PIK3R5: variants seen among roughly 807,000 people sequenced by gnomAD.
The protein encoded by PIK3R5 is phosphoinositide 3-kinase regulatory subunit 5.
PIK3R5 carries 32 observed loss-of-function variants against 94.9 expected under a neutral mutation model. The ratio of observed to expected loss-of-function variants is 0.34; its 90% CI spans 0.25 to 0.45. PIK3R5 has a LOEUF of 0.45. Ranked by LOEUF, PIK3R5 falls within the 20% of genes least tolerant of loss-of-function variation. The pLI is 1.00. For missense variants in PIK3R5, 853 were observed against 1,144.6 expected (o/e 0.75, Z 3.68); for synonymous variants, 443 against 479.4 (o/e 0.92, Z 0.99).
chr17:8,904,945 G>T lies in PIK3R5; in HGVS notation c.274-30C>A. The T allele has an allele frequency of 6.2e-7, 1 of 1,607,226 alleles. No individual in the cohort carries two copies. Among genetic ancestry groups the T allele is most frequent in the Non-Finnish European group, 8.5e-7 (1 of 1,179,246 alleles). On this transcript the variant is annotated intron_variant, in intron 4 of 18. Transcript: ENST00000447110. This position sits in a 1 kb window ranked among gnomAD's most constrained non-coding sequence, Gnocchi z 5.1. ...GATGGAGGCAGGCAACAAGCAAAGAGATCTAGGTGAGAAAAGGCTCAGATA... is the reference window on the plus strand; with the variant it reads ...GATGGAGGCAGGCAACAAGCAAAGATATCTAGGTGAGAAAAGGCTCAGATA...
At chr17:8,961,678 C>T (rs762701592) in intron 1 of PIK3R5, among the ~76,000 whole-genome samples, 4 of 152,110 alleles carry the variant, frequency 2.6e-5, no homozygotes, top group Non-Finnish European at 5.9e-5. Flanking sequence ...AAGTGACTCA[C>T]GCAGATGTGT....
At chr17:8,949,568 T>C (rs1185589186) in intron 1 of PIK3R5, among the ~76,000 whole-genome samples, 1 of 152,074 alleles carries the variant, frequency 6.6e-6, no homozygotes, top group Non-Finnish European at 1.5e-5. Context: ...GTCGTCATCG[T>C]GAGGAACAGA....
chr17:8,914,719 T>C (rs964151793), intron 1 of PIK3R5, among the ~76,000 whole-genome samples: 1 of 152,196 alleles, frequency 6.6e-6, no homozygotes, highest in African/African-American at 2.4e-5. Flanking sequence ...CTGTGAGCCA[T>C]GGCAGGGCTG....
chr17:8,954,076 G>GA (rs1362114081), intron 1 of PIK3R5, among the ~76,000 whole-genome samples: 1 of 151,356 alleles, frequency 6.6e-6, no homozygotes, highest in South Asian at 2.1e-4. Context: ...AAGAAAAAAA[G>GA]AAAAAAAGAA....
At chr17:8,932,460 C>T (rs1408605212) in intron 1 of PIK3R5, among the ~76,000 whole-genome samples, 1 of 152,150 alleles carries the variant, frequency 6.6e-6, no homozygotes, top group East Asian at 1.9e-4. Context: ...GTCTCGAACT[C>T]CTGACCTCCG....
rs545376939 is a variant in PIK3R5, at chr17:8,908,730, G to C, written c.204+344C>G. Among the ~76,000 whole-genome samples the C allele has an allele frequency of 6.5e-4, 99 of 152,150 alleles. 1 individual carries two copies. The highest frequency in any genetic ancestry group is 2.2e-3 in the African/African-American group (92 of 41,524). Reference sequence around the variant, plus strand: ...AGAGGAGGCCTCAGTTTACCTTTCCGATCAGTTTTCTCTTTCCTGTCTTTG... The same window carrying C: ...AGAGGAGGCCTCAGTTTACCTTTCCCATCAGTTTTCTCTTTCCTGTCTTTG... On this transcript the variant is annotated intron_variant, in intron 3 of 18. Coordinates refer to ENST00000447110, the MANE Select transcript of PIK3R5 (RefSeq NM_001142633.3).
intron 1 of PIK3R5, among the ~76,000 whole-genome samples, chr17:8,948,062 A>AAAAG (rs1555553591): frequency 2.7e-5 from 4 of 146,160 alleles, no homozygotes; most frequent in Admixed American, 6.7e-5. Flanking sequence ...AAAAAAAAAA[A>AAAAG]AAAAGAAAAG....
In PIK3R5 at chr17:8,959,934, G is replaced by T. The variant is rs540832822; in HGVS notation, c.-14+5662C>A. 2.0e-5 allele frequency among the ~76,000 whole-genome samples: 3 copies of T among 152,224 alleles called. No individual in the cohort carries two copies. In the South Asian group the frequency reaches 6.2e-4, roughly 32 times the overall value. On this transcript the variant is annotated intron_variant, in intron 1 of 18. Transcript: ENST00000447110. ...CTCAACTCCCTGAGCTGTTGATGGAGATGCACAAATGCAGAGGGCTCCTGA... is the reference window on the plus strand; with the variant it reads ...CTCAACTCCCTGAGCTGTTGATGGATATGCACAAATGCAGAGGGCTCCTGA...
chr17:8,948,203 C>T lies in PIK3R5; in HGVS notation c.-14+17393G>A, dbSNP rs147788931. On this transcript the variant is annotated intron_variant, in intron 1 of 18. Coordinates refer to ENST00000447110, the MANE Select transcript of PIK3R5 (RefSeq NM_001142633.3). ...CGACGCATGAGAGAAAGCCGAAATG[C>T]GCTCCTATGTTGCCTCCATCTTTTC... Among the ~76,000 whole-genome samples, 6 of 152,210 alleles carry T rather than the reference C, an allele frequency of 3.9e-5. No individual in the cohort carries two copies. In the South Asian group the frequency reaches 8.3e-4, roughly 21 times the overall value.
intron 1 of PIK3R5, among the ~76,000 whole-genome samples, chr17:8,923,388 T>C (rs1476411080): frequency 6.6e-6 from 1 of 152,196 alleles, no homozygotes; most frequent in Non-Finnish European, 1.5e-5. Context: ...GTTCTAGGTG[T>C]TTCTATGAAT....
intron 2 of PIK3R5, among the ~76,000 whole-genome samples, chr17:8,910,803 CGGA>C (rs71908165): frequency 0.016 from 2,403 of 152,176 alleles, 55 homozygotes; most frequent in African/African-American, 0.054. Context: ...TGGCTACTCA[CGGA>C]GAAGTTAGGG....
chr17:8,895,176 C>A (rs1377306123), intron 5 of PIK3R5, among the ~76,000 whole-genome samples: 1 of 152,216 alleles, frequency 6.6e-6, no homozygotes, highest in African/African-American at 2.4e-5. Flanking sequence ...GCTCTCCAAC[C>A]ACCTCTACAT....
intron 5 of PIK3R5, among the ~76,000 whole-genome samples, chr17:8,895,183 A>G (rs966833817): frequency 6.6e-6 from 1 of 152,216 alleles, no homozygotes; most frequent in Non-Finnish European, 1.5e-5. Context: ...AACCACCTCT[A>G]CATAATACCA....
In PIK3R5 at chr17:8,935,885, T is replaced by C. The variant is rs977165989; in HGVS notation, c.-13-24378A>G. Among the ~76,000 whole-genome samples the C allele has an allele frequency of 2.0e-5, 3 of 151,970 alleles. No homozygotes were observed. Among genetic ancestry groups the C allele is most frequent in the Admixed American group, 1.3e-4 (2 of 15,258 alleles). The stretch of plus-strand genomic sequence containing the variant: ...CTGGCTAACGCAGTGAAACCCGATC[T>C]CTACTAAAAATACAAAAAATTAGCC... On this transcript the variant is annotated intron_variant, in intron 1 of 18. Coordinates refer to ENST00000447110, the MANE Select transcript of PIK3R5 (RefSeq NM_001142633.3). This position sits in a 1 kb window ranked among gnomAD's most constrained non-coding sequence, Gnocchi z 4.5.
Position 8,884,980 on chromosome 17 carries a change from C to G in PIK3R5, c.2129-197G>C, listed in dbSNP as rs890236930. On this transcript the variant is annotated intron_variant, in intron 14 of 18. Coordinates refer to ENST00000447110, the MANE Select transcript of PIK3R5 (RefSeq NM_001142633.3). The surrounding 1 kb of genome is among the most constrained non-coding windows in gnomAD (Gnocchi z 5.8). The stretch of plus-strand genomic sequence containing the variant: ...GGGATCTCCACCTCCTCAGTGACCC[C>G]ATCACTCCAGGGCCCATCTCCGCTG... The G allele has an allele frequency of 6.7e-6, 4 of 593,562 alleles. No homozygotes were observed. The South Asian group carries it at 7.5e-5, about 11-fold the overall frequency. 36.8% of individuals were successfully genotyped at this position (593,562 alleles called of 1,614,324 possible). A position where few individuals can be genotyped will look rare whatever the true frequency, so the allele number is the denominator to read the frequency against.
chr17:8,938,106 C>T (rs112955976), intron 1 of PIK3R5, among the ~76,000 whole-genome samples: 5,386 of 152,232 alleles, frequency 0.035, 327 homozygotes, highest in African/African-American at 0.12. Context: ...CCACCGCACC[C>T]GGCCATTTTT....
At chr17:8,880,864 G>A (rs957095951) in intron 18 of PIK3R5, 41 bp downstream of exon 18, 1 of 1,613,040 alleles carries the variant, frequency 6.2e-7, no homozygotes, top group African/African-American at 1.3e-5. Context: ...GGGTTGGTGG[G>A]AGCAGAAACT....
chr17:8,949,596 C>A (rs577531225), intron 1 of PIK3R5, among the ~76,000 whole-genome samples: 69 of 152,196 alleles, frequency 4.5e-4, no homozygotes, highest in Non-Finnish European at 8.2e-4. Flanking sequence ...AGGGAGAATT[C>A]TGTAATGGCA....
At chr17:8,938,705 C>T (rs1377411550) in intron 1 of PIK3R5, among the ~76,000 whole-genome samples, 1 of 152,200 alleles carries the variant, frequency 6.6e-6, no homozygotes, top group East Asian at 1.9e-4. Context: ...TAGTATGTAA[C>T]AGTACTTACT....
Sources: gnomAD v4.1 joint callset for allele counts (sites outside exome capture counted in the v4.1 genomes callset) on GRCh38, gnomAD v4.1.1 for gene constraint, Gnocchi (gnomAD v3.1) non-coding constraint, MANE v1.5 for transcripts, NCBI Gene and HGNC (gene_info 2026-07-23, HGNC 2026-07-21) for gene names.